Variants in MYO16 observed in about 807,000 individuals in gnomAD.
MYO16 encodes the protein unconventional myosin-XVI.
In MYO16, 94 loss-of-function variants were observed where a neutral mutation model predicts 205.3. That is an observed-to-expected ratio of 0.46 (90% CI 0.39 to 0.54). MYO16 has a LOEUF of 0.54. MYO16 is among the 20% of genes least tolerant of loss of function. The pLI is 0.00. For missense variants in MYO16, 2,315 were observed against 2,387.5 expected (o/e 0.97, Z 0.63); for synonymous variants, 988 against 954.0 (o/e 1.04, Z -0.66).
intron 1 of MYO16, among the ~76,000 whole-genome samples, chr13:108,634,373 G>A (rs74117292): frequency 0.013 from 1,948 of 152,142 alleles, 51 homozygotes; most frequent in African/African-American, 0.045. Flanking sequence ...GTCTCCTTCT[G>A]CCTCCTGCAA....
intron 4 of MYO16, among the ~76,000 whole-genome samples, chr13:108,770,463 T>A (rs928573055): frequency 3.9e-4 from 59 of 152,336 alleles, no homozygotes; most frequent in African/African-American, 1.3e-3. Context: ...CTCATCGGGA[T>A]GTTTTAAAAT....
intron 4 of MYO16, among the ~76,000 whole-genome samples, chr13:108,744,363 C>A (rs934857853): frequency 2.0e-5 from 3 of 152,158 alleles, no homozygotes; most frequent in Admixed American, 2.0e-4. Context: ...CCTTATTCCT[C>A]CCTTGTTTTC....
At chr13:108,665,299 G>A (rs11843959) in intron 1 of MYO16, among the ~76,000 whole-genome samples, 5,280 of 152,064 alleles carry the variant, frequency 0.035, 283 homozygotes, top group African/African-American at 0.12. Context: ...TTGGAGAGAT[G>A]GGGGTCTTCC....
In MYO16 at chr13:108,963,433, G is replaced by A. The variant is rs1254812139; in HGVS notation, c.2227+938G>A. Among the ~76,000 whole-genome samples, 3 of 152,106 alleles carry A rather than the reference G, an allele frequency of 2.0e-5. No individual in the cohort carries two copies. The East Asian group carries it at 5.8e-4, about 29-fold the overall frequency. ...TCCTCCATGCATAGGTCAGACACAC[G>A]CCATAAATATCTCCCATTCCTACTG... is the stretch of plus-strand genomic sequence containing the variant. On this transcript the variant is annotated intron_variant, in intron 19 of 34. Coordinates refer to ENST00000457511, the MANE Select transcript of MYO16 (RefSeq NM_001198950.3).
chr13:109,185,058 C>T (rs1235651726), intron 34 of MYO16, among the ~76,000 whole-genome samples: 6 of 152,152 alleles, frequency 3.9e-5, no homozygotes, highest in Non-Finnish European at 8.8e-5. Flanking sequence ...GAGTGAGCCA[C>T]CGCACCTGGC....
At position 109,141,003 on chromosome 13, in the gene MYO16, G is replaced by A; in HGVS notation, c.4791G>A (p.Pro1597=). The A allele has an allele frequency of 7.7e-7, 1 of 1,294,388 alleles. No individual in the cohort carries two copies. Among genetic ancestry groups the A allele is most frequent in the Non-Finnish European group, 9.8e-7 (1 of 1,016,162 alleles). 80.2% of individuals were successfully genotyped at this position (1,294,388 alleles called of 1,614,324 possible). A position where few individuals can be genotyped will look rare whatever the true frequency, so the allele number is the denominator to read the frequency against. ...CCTCCCCGCCGTCCACGCCGCCCCC[G>A]CCCCCGCCCCCGCCCGGGCCGCCCC... ...GRASPPSTPP[P]PPPPPGPPPA... The change falls in exon 32 of 35, where the codon CCG becomes CCA. Residue 1597 remains proline (P), a synonymous_variant. Coordinates refer to ENST00000457511, the MANE Select transcript of MYO16 (RefSeq NM_001198950.3). The surrounding 1 kb of genome is among the most constrained non-coding windows in gnomAD (Gnocchi z 4.1).
chr13:108,594,610 G>C (rs933220370), upstream of MYO16, among the ~76,000 whole-genome samples: 4 of 152,178 alleles, frequency 2.6e-5, no homozygotes, highest in African/African-American at 9.7e-5. Context: ...ACCTGCACTG[G>C]AATTCCTCAA....
intron 13 of MYO16, among the ~76,000 whole-genome samples, chr13:108,885,339 C>T (rs750341996): frequency 2.6e-5 from 4 of 152,076 alleles, no homozygotes; most frequent in Non-Finnish European, 4.4e-5. Flanking sequence ...AGGCTGGTCT[C>T]GAACTCCTGA....
chr13:108,838,092 C>G (rs1024451923), intron 9 of MYO16, among the ~76,000 whole-genome samples: 1 of 152,118 alleles, frequency 6.6e-6, no homozygotes, highest in Non-Finnish European at 1.5e-5. Flanking sequence ...GGTAAGCACA[C>G]AGGTTCTGGA....
intron 16 of MYO16, among the ~76,000 whole-genome samples, chr13:108,936,597 T>C (rs979378162): frequency 6.6e-6 from 1 of 152,154 alleles, no homozygotes; most frequent in Non-Finnish European, 1.5e-5. Flanking sequence ...TTACTGTTAC[T>C]GATTTAAAAT....
rs117968159 is a variant in MYO16 at position 108,711,106 on chromosome 13, G to A, written c.293-1555G>A. Among the ~76,000 whole-genome samples the A allele has an allele frequency of 7.6e-4, 116 of 152,240 alleles. 1 individual carries two copies. The East Asian group carries it at 0.018, about 24-fold the overall frequency. On this transcript the variant is annotated intron_variant, in intron 2 of 34. Transcript: ENST00000457511. ...GAAAGGGAGGCAGAGAAAGGGTGGG[G>A]GGAAGAGCATCTCCATACCACGAAA...
At chr13:108,986,745 T>C (rs1028956035) in intron 20 of MYO16, among the ~76,000 whole-genome samples, 2 of 152,178 alleles carry the variant, frequency 1.3e-5, no homozygotes, top group South Asian at 2.1e-4. Flanking sequence ...ACTACAGTTA[T>C]TGATGAACTG....
At chr13:108,881,587 A>G (rs1022103724) in intron 12 of MYO16, among the ~76,000 whole-genome samples, 3 of 152,206 alleles carry the variant, frequency 2.0e-5, no homozygotes, top group Admixed American at 2.0e-4. Flanking sequence ...TAAAAAGCAT[A>G]GACAAGGTCT....
At chr13:108,574,468 C>G in the MYO16 span, among the ~76,000 whole-genome samples, 4 of 152,070 alleles carry the variant, frequency 2.6e-5, no homozygotes, top group African/African-American at 4.8e-5. Flanking sequence ...AACTTTATCT[C>G]TCATAGAACC....
chr13:108,940,551 C>G (rs2139313563), intron 16 of MYO16, among the ~76,000 whole-genome samples: 1 of 152,302 alleles, frequency 6.6e-6, no homozygotes, highest in East Asian at 1.9e-4. Flanking sequence ...ACATTATTAG[C>G]ACAATCCCAT....
chr13:108,989,509 G>T (rs1224070992), intron 20 of MYO16, among the ~76,000 whole-genome samples: 1 of 152,046 alleles, frequency 6.6e-6, no homozygotes, highest in African/African-American at 2.4e-5. Context: ...TTTATATATT[G>T]CTTTCTTAAT....
At chr13:108,640,385 T>C (rs1880451459) in intron 1 of MYO16, among the ~76,000 whole-genome samples, 1 of 152,038 alleles carries the variant, frequency 6.6e-6, no homozygotes, top group Non-Finnish European at 1.5e-5. Context: ...GAGGAGTTCT[T>C]GCAATGACTT....
chr13:108,851,873 T>C (rs1451771620), intron 10 of MYO16, among the ~76,000 whole-genome samples: 1 of 152,242 alleles, frequency 6.6e-6, no homozygotes, highest in African/African-American at 2.4e-5. Context: ...ATTCCTGGAA[T>C]GTAGCAGCTC....
chr13:109,013,518 C>G (rs1462951588), intron 22 of MYO16, among the ~76,000 whole-genome samples: 1 of 152,120 alleles, frequency 6.6e-6, no homozygotes, highest in East Asian at 1.9e-4. Context: ...ATTTCTAGTT[C>G]TAGATCTTTG....
Sources: allele counts gnomAD v4.1 joint callset (sites outside exome capture counted in the v4.1 genomes callset), GRCh38; gene constraint gnomAD v4.1.1; non-coding constraint Gnocchi (gnomAD v3.1); transcripts MANE v1.5; gene names NCBI Gene and HGNC (gene_info 2026-07-23, HGNC 2026-07-21).